TMEM108: variants seen among roughly 807,000 people sequenced by gnomAD.
The protein encoded by TMEM108 is transmembrane protein 108.
In TMEM108, 12 loss-of-function variants were observed where a neutral mutation model predicts 35.1. The ratio of observed to expected loss-of-function variants is 0.34; its 90% CI spans 0.22 to 0.55. The LOEUF (loss-of-function observed/expected upper bound fraction) is 0.55. Ranked by LOEUF, TMEM108 falls within the 20% of genes least tolerant of loss-of-function variation. The pLI, the probability that TMEM108 is intolerant of heterozygous loss-of-function variation, is 0.89. For missense variants in TMEM108, 680 were observed against 753.3 expected, an observed-to-expected ratio of 0.90 and a Z score of 1.14; for synonymous variants, 287 against 308.6, an observed-to-expected ratio of 0.93 and a Z score of 0.73.
intron 2 of TMEM108, among the ~76,000 whole-genome samples, chr3:133,213,546 T>G (rs1383405055): frequency 2.0e-5 from 3 of 152,200 alleles, no homozygotes; most frequent in Non-Finnish European, 2.9e-5. Flanking sequence ...TTGAGGATGC[T>G]AATGTTTGTC....
intron 3 of TMEM108, among the ~76,000 whole-genome samples, chr3:133,252,531 A>G (rs545914804): frequency 1.1e-4 from 17 of 152,320 alleles, no homozygotes; most frequent in Admixed American, 4.6e-4. Flanking sequence ...TCAAGTTCTG[A>G]TCAACATTTC....
chr3:133,330,247 ACTC>A (rs2071379827), intron 3 of TMEM108, among the ~76,000 whole-genome samples: 2 of 151,948 alleles, frequency 1.3e-5, no homozygotes, highest in Admixed American at 1.3e-4. Flanking sequence ...TGCTGCTGAG[ACTC>A]CTCTGCCAGT....
chr3:133,374,081 G>A (rs2107823658), intron 3 of TMEM108, among the ~76,000 whole-genome samples: 1 of 152,356 alleles, frequency 6.6e-6, no homozygotes, highest in South Asian at 2.1e-4. Flanking sequence ...GGGGGCCAAA[G>A]CCCCCAAGAG....
intron 2 of TMEM108, among the ~76,000 whole-genome samples, chr3:133,131,937 G>T (rs867407876): frequency 6.6e-6 from 1 of 152,164 alleles, no homozygotes; most frequent in African/African-American, 2.4e-5. Flanking sequence ...ATAATATATA[G>T]AGAGAAGATT....
At chr3:133,085,953 CAG>C (rs1345742241) in intron 2 of TMEM108, among the ~76,000 whole-genome samples, 3 of 152,048 alleles carry the variant, frequency 2.0e-5, no homozygotes, top group Admixed American at 1.3e-4. Flanking sequence ...GTTTCTAAAT[CAG>C]GGGTTTCTAT....
chr3:133,333,062 T>C (rs11917647), intron 3 of TMEM108, among the ~76,000 whole-genome samples: 51,433 of 152,038 alleles, frequency 0.34, 9,094 homozygotes, highest in East Asian at 0.48. Context: ...TCCTTCCTTG[T>C]AGGGTGAAGG....
intron 2 of TMEM108, among the ~76,000 whole-genome samples, chr3:133,063,692 C>T (rs1299660725): frequency 6.6e-6 from 1 of 152,054 alleles, no homozygotes; most frequent in Non-Finnish European, 1.5e-5. Context: ...TTAAGTTAGT[C>T]CTGATATTCC....
chr3:133,307,840 C>T (rs796953122), intron 3 of TMEM108, among the ~76,000 whole-genome samples: 12 of 152,056 alleles, frequency 7.9e-5, no homozygotes, highest in African/African-American at 2.7e-4. Flanking sequence ...ATTGTCTTGG[C>T]GGGCCCTTTT....
chr3:133,392,924 TTCAAGGC>T (rs2073255294), intron 5 of TMEM108, among the ~76,000 whole-genome samples: 1 of 152,206 alleles, frequency 6.6e-6, no homozygotes, highest in African/African-American at 2.4e-5. Context: ...AGATGATCTT[TTCAAGGC>T]AGGATCCCAT....
intron 3 of TMEM108, among the ~76,000 whole-genome samples, chr3:133,341,121 C>A (rs1202460786): frequency 6.6e-6 from 1 of 151,686 alleles, no homozygotes; most frequent in Non-Finnish European, 1.5e-5. Flanking sequence ...TCAAATTATC[C>A]TTGTTTGCAG....
chr3:133,165,989 G>A (rs1053521339), intron 2 of TMEM108, among the ~76,000 whole-genome samples: 2 of 152,230 alleles, frequency 1.3e-5, no homozygotes, highest in Non-Finnish European at 2.9e-5. Flanking sequence ...TCCATGGTTG[G>A]TGGTCTTCTC....
intron 3 of TMEM108, among the ~76,000 whole-genome samples, chr3:133,243,167 C>G (rs1179630028): frequency 3.3e-5 from 5 of 151,984 alleles, no homozygotes; most frequent in Non-Finnish European, 7.4e-5. Context: ...AGTTGCTGGC[C>G]CGGAGGTCAC....
chr3:133,322,809 A>G (rs1313783059), intron 3 of TMEM108, among the ~76,000 whole-genome samples: 1 of 152,202 alleles, frequency 6.6e-6, no homozygotes, highest in Non-Finnish European at 1.5e-5. Flanking sequence ...TATCAAAAAG[A>G]TAATAAACCA....
At chr3:133,124,535 A>G (rs1944391413) in intron 2 of TMEM108, among the ~76,000 whole-genome samples, 1 of 152,170 alleles carries the variant, frequency 6.6e-6, no homozygotes. Flanking sequence ...AGTTTGCCCA[A>G]CTGCTGTGTG....
In TMEM108 at chr3:133,397,751, TA is replaced by T. The variant is rs1438629587; in HGVS notation, c.*1768del. On this transcript the variant is annotated 3_prime_UTR_variant, in exon 6 of 6. Transcript: ENST00000321871. ...ATTTCAGCTACCATGTATATATAAA[TA>T]AACTTATTTTATTAGCCAGAGGATT... 4 of 152,212 alleles carry T rather than the reference TA, an allele frequency of 2.6e-5. No individual in the cohort carries two copies. The highest frequency in any genetic ancestry group is 4.4e-5 in the Non-Finnish European group (3 of 68,030). The allele number at this position is 152,212 out of a possible 1,614,324, so 9.4% of individuals were successfully genotyped here.
At chr3:133,272,723 G>A (rs539607722) in intron 3 of TMEM108, among the ~76,000 whole-genome samples, 2 of 152,238 alleles carry the variant, frequency 1.3e-5, no homozygotes, top group East Asian at 1.9e-4. Context: ...AGGTCATCTC[G>A]CTTACCTCCT....
At chr3:133,349,872 G>A (rs1489620287) in intron 3 of TMEM108, among the ~76,000 whole-genome samples, 1 of 152,092 alleles carries the variant, frequency 6.6e-6, no homozygotes, top group African/African-American at 2.4e-5. Flanking sequence ...AAAACAGTAT[G>A]GAAGTTCCTC....
At chr3:133,314,927 T>A (rs868854448) in intron 3 of TMEM108, among the ~76,000 whole-genome samples, 1 of 152,204 alleles carries the variant, frequency 6.6e-6, no homozygotes, top group Non-Finnish European at 1.5e-5. Context: ...GGTAACATCT[T>A]TTTTCAGGCA....
At chr3:133,267,458 A>G (rs1055008567) in intron 3 of TMEM108, among the ~76,000 whole-genome samples, 5 of 152,236 alleles carry the variant, frequency 3.3e-5, no homozygotes, top group African/African-American at 4.8e-5. Flanking sequence ...GTTATCCTAG[A>G]TGAAAGATAT....
Sources: allele counts gnomAD v4.1 joint callset (sites outside exome capture counted in the v4.1 genomes callset), GRCh38; gene constraint gnomAD v4.1.1; transcripts MANE v1.5; gene names NCBI Gene and HGNC (gene_info 2026-07-23, HGNC 2026-07-21).